Variants in FBXO8 observed in about 807,000 individuals in gnomAD.
FBXO8 encodes the protein F-box only protein 8.
A neutral mutation model predicts 33.4 loss-of-function variants in FBXO8; 15 were observed. The ratio of observed to expected loss-of-function variants is 0.45; its 90% CI spans 0.30 to 0.69. The LOEUF (loss-of-function observed/expected upper bound fraction) is 0.69. Ranked by LOEUF, FBXO8 falls within the 30% of genes least tolerant of loss-of-function variation. The pLI, the probability that FBXO8 is intolerant of heterozygous loss-of-function variation, is 0.08. For missense variants in FBXO8, 274 were observed against 380.3 expected (o/e 0.72, Z 2.32); for synonymous variants, 132 against 131.5 (o/e 1.00, Z -0.02).
intron 1 of FBXO8, among the ~76,000 whole-genome samples, chr4:174,279,321 G>A (rs1018558891): frequency 6.6e-6 from 1 of 152,002 alleles, no homozygotes; most frequent in African/African-American, 2.4e-5. Flanking sequence ...TAGGTAAAAG[G>A]CTTCTGGAAT....
At position 174,267,555 on chromosome 4, in the gene FBXO8, A is replaced by G. The variant is rs557574475; in HGVS notation, c.-8-4455T>C. Reference sequence around the variant, plus strand: ...GAGTGAGACCTTGCCTCTAAAAAAAATTAAAATTAAAAATTAAAAGAAAAT... The same window carrying G: ...GAGTGAGACCTTGCCTCTAAAAAAAGTTAAAATTAAAAATTAAAAGAAAAT... On this transcript the variant is annotated intron_variant, in intron 1 of 5. Transcript: ENST00000393674. This position sits in a 1 kb window ranked among gnomAD's most constrained non-coding sequence, Gnocchi z 4.7. 6.6e-6 allele frequency among the ~76,000 whole-genome samples: 1 copy of G among 152,290 alleles called. No individual in the cohort carries two copies. Among genetic ancestry groups the G allele is most frequent in the East Asian group, 1.9e-4 (1 of 5,178 alleles).
At chr4:174,246,119 A>T (rs72702230) in intron 3 of FBXO8, among the ~76,000 whole-genome samples, 12,145 of 152,014 alleles carry the variant, frequency 0.08, 520 homozygotes, top group Non-Finnish European at 0.1. Context: ...GAAGAGAATG[A>T]TAGAATAATG....
chr4:174,238,068 T>C (rs1735929685), intron 5 of FBXO8, among the ~76,000 whole-genome samples: 1 of 152,014 alleles, frequency 6.6e-6, no homozygotes, highest in Admixed American at 6.6e-5. Flanking sequence ...TTTGAGAGCA[T>C]CTTTAATGAC....
At chr4:174,268,907 T>TG (rs1439519523) in intron 1 of FBXO8, 2 of 152,244 alleles carry the variant, frequency 1.3e-5, no homozygotes, top group African/African-American at 2.4e-5. Context: ...TTTCAGCTCT[T>TG]GCGCATGTTT....
In FBXO8 at chr4:174,274,398, C is replaced by G. The variant is rs906566106; in HGVS notation, c.-9+9012G>C. Among the ~76,000 whole-genome samples, 1 of 152,208 alleles carries G rather than the reference C, an allele frequency of 6.6e-6. No homozygotes were observed. Among genetic ancestry groups the G allele is most frequent in the African/African-American group, 2.4e-5 (1 of 41,450 alleles). ...AAGGTAGTTTCGTACTCATCCCTCT[C>G]GCCCTCTTTAAATGATAACTATTAT... is the stretch of plus-strand genomic sequence containing the variant. On this transcript the variant is annotated intron_variant, in intron 1 of 5. Transcript: ENST00000393674. The surrounding 1 kb of genome is among the most constrained non-coding windows in gnomAD (Gnocchi z 4.0).
chr4:174,241,130 C>G lies in FBXO8; in HGVS notation c.545G>C (p.Trp182Ser). The G allele has an allele frequency of 6.2e-7, 1 of 1,602,964 alleles. No homozygotes were observed. Among genetic ancestry groups the G allele is most frequent in the Non-Finnish European group, 8.5e-7 (1 of 1,173,456 alleles). Residue 182 changes from tryptophan (W) to serine (S), a missense_variant, in exon 4 of 6, where the codon TGG becomes TCG. Around this residue, in one of 2 missense-constraint regions of FBXO8, gnomAD observed 186 missense variants for 293.4 expected, o/e 0.63. Transcript: ENST00000393674. The surrounding 1 kb of genome is among the most constrained non-coding windows in gnomAD (Gnocchi z 4.2). ...KFIFCTRTLN[W>S]KKLRIYLDER... is the part of the protein sequence containing the mutation. ...ATCAAGATAGATTCTCAGTTTTTTC[C>G]AATTTAGTGTTCTTGTACAGAAGAT...
At position 174,265,027 on chromosome 4, in the gene FBXO8, C is replaced by T. The variant is rs897586581; in HGVS notation, c.-8-1927G>A. Among the ~76,000 whole-genome samples the T allele has an allele frequency of 1.3e-5, 2 of 152,058 alleles. No homozygotes were observed. The highest frequency in any genetic ancestry group is 1.3e-4 in the Admixed American group (2 of 15,260). On this transcript the variant is annotated intron_variant, in intron 1 of 5. Coordinates refer to ENST00000393674, the MANE Select transcript of FBXO8 (RefSeq NM_012180.3). This position sits in a 1 kb window ranked among gnomAD's most constrained non-coding sequence, Gnocchi z 4.7. ...AATAAGCACATGAAAAGATGCTCAACATCATATGTCGTGAGGGAACTGAAA... is the reference window on the plus strand; with the variant it reads ...AATAAGCACATGAAAAGATGCTCAATATCATATGTCGTGAGGGAACTGAAA...
intron 3 of FBXO8, among the ~76,000 whole-genome samples, chr4:174,243,438 G>C (rs1400456484): frequency 2.0e-5 from 3 of 150,802 alleles, no homozygotes; most frequent in Admixed American, 2.0e-4. Context: ...AAAGACATGA[G>C]AACAGATTAT....
chr4:174,250,357 A>G (rs1736258356), intron 3 of FBXO8, among the ~76,000 whole-genome samples: 1 of 152,064 alleles, frequency 6.6e-6, no homozygotes. Context: ...AAAAATACAA[A>G]AACAACCCCC....
chr4:174,261,582 A>C lies in FBXO8; in HGVS notation c.329+1182T>G, dbSNP rs1736562767. On this transcript the variant is annotated intron_variant, in intron 2 of 5. Coordinates refer to ENST00000393674, the MANE Select transcript of FBXO8 (RefSeq NM_012180.3). The surrounding 1 kb of genome is among the most constrained non-coding windows in gnomAD (Gnocchi z 4.1). Reference sequence around the variant, plus strand: ...TCTTCTATTCATGAGTAAAAAATTAATAACATTTATTTTAAAGACTCCTCA... The same window carrying C: ...TCTTCTATTCATGAGTAAAAAATTACTAACATTTATTTTAAAGACTCCTCA... Among the ~76,000 whole-genome samples the C allele has an allele frequency of 1.3e-5, 2 of 152,114 alleles. No homozygotes were observed. The highest frequency in any genetic ancestry group is 1.3e-4 in the Admixed American group (2 of 15,268).
In FBXO8 at chr4:174,259,966, C is replaced by T. The variant is rs1736512278; in HGVS notation, c.330-141G>A. ...AAAGTTTAAAATTTTTAAGTTTGTACTTGTTTTCTATTTGTTTACTAGAGT... is the reference window on the plus strand; with the variant it reads ...AAAGTTTAAAATTTTTAAGTTTGTATTTGTTTTCTATTTGTTTACTAGAGT... On this transcript the variant is annotated intron_variant, in intron 2 of 5. Transcript: ENST00000393674. The surrounding 1 kb of genome is among the most constrained non-coding windows in gnomAD (Gnocchi z 4.3). 1 of 907,412 alleles carries T rather than the reference C, an allele frequency of 1.1e-6. No individual in the cohort carries two copies. The highest frequency in any genetic ancestry group is 1.6e-6 in the Non-Finnish European group (1 of 626,104). 56.2% of individuals were successfully genotyped at this position (907,412 alleles called of 1,614,324 possible). A position where few individuals can be genotyped will look rare whatever the true frequency, so the allele number is the denominator to read the frequency against.
intron 3 of FBXO8, among the ~76,000 whole-genome samples, chr4:174,246,204 C>T (rs1370962851): frequency 6.6e-6 from 1 of 151,834 alleles, no homozygotes; most frequent in East Asian, 1.9e-4. Flanking sequence ...GAAAGAGCAC[C>T]ATTTTTAGGA....
At chr4:174,260,816 G>C (rs1037891630) in intron 2 of FBXO8, among the ~76,000 whole-genome samples, 1 of 151,998 alleles carries the variant, frequency 6.6e-6, no homozygotes, top group African/African-American at 2.4e-5. Context: ...CAATTGTGAT[G>C]AGTCTTTGTC....
At chr4:174,276,941 C>T (rs940879175) in intron 1 of FBXO8, among the ~76,000 whole-genome samples, 26 of 152,126 alleles carry the variant, frequency 1.7e-4, no homozygotes, top group African/African-American at 5.1e-4. Flanking sequence ...TGAGCCTTAA[C>T]TAAGAGAATG....
chr4:174,244,484 C>T (rs546712215), intron 3 of FBXO8, among the ~76,000 whole-genome samples: 80 of 151,652 alleles, frequency 5.3e-4, no homozygotes, highest in Non-Finnish European at 6.6e-4. Context: ...TAAATTTGAC[C>T]GTTTAATCTA....
chr4:174,262,389 A>C lies in FBXO8; in HGVS notation c.329+375T>G, dbSNP rs1397523034. ...GAAGTCTGCCTATTATTCAGATGGC[A>C]GGTATCCTATGGGAAGCACAAACTA... On this transcript the variant is annotated intron_variant, in intron 2 of 5. Coordinates refer to ENST00000393674, the MANE Select transcript of FBXO8 (RefSeq NM_012180.3). The surrounding 1 kb of genome is among the most constrained non-coding windows in gnomAD (Gnocchi z 4.6). Among the ~76,000 whole-genome samples the C allele has an allele frequency of 6.6e-6, 1 of 152,200 alleles. No individual in the cohort carries two copies. Among genetic ancestry groups the C allele is most frequent in the Non-Finnish European group, 1.5e-5 (1 of 68,034 alleles).
chr4:174,243,337 A>G (rs1736083987), intron 3 of FBXO8, among the ~76,000 whole-genome samples: 1 of 151,282 alleles, frequency 6.6e-6, no homozygotes, highest in South Asian at 2.1e-4. Flanking sequence ...TGAGGAAAAG[A>G]GGCATCAGGT....
intron 1 of FBXO8, among the ~76,000 whole-genome samples, chr4:174,273,311 T>C (rs1194807505): frequency 1.1e-5 from 1 of 93,276 alleles, no homozygotes; most frequent in African/African-American, 4.1e-5. Flanking sequence ...ATAATGCCAA[T>C]GTCATAAAAG....
Position 174,255,998 on chromosome 4 carries a change from T to C in FBXO8, c.456+3701A>G, listed in dbSNP as rs1489949239. ...ACAGCTGAGATCACAATGTCATGCA[T>C]AGTACAACAGCGTGCCAGATTATCG... On this transcript the variant is annotated intron_variant, in intron 3 of 5. Coordinates refer to ENST00000393674, the MANE Select transcript of FBXO8 (RefSeq NM_012180.3). The surrounding 1 kb of genome is among the most constrained non-coding windows in gnomAD (Gnocchi z 4.3). The C allele has an allele frequency of 1.4e-5, 6 of 442,922 alleles. No individual in the cohort carries two copies. Among genetic ancestry groups the C allele is most frequent in the Non-Finnish European group, 2.3e-5 (5 of 220,798 alleles). The allele number at this position is 442,922 out of a possible 1,614,324, so 27.4% of individuals were successfully genotyped here.
Sources: gnomAD v4.1 joint callset for allele counts (sites outside exome capture counted in the v4.1 genomes callset) on GRCh38, gnomAD v4.1.1 for gene constraint, gnomAD v4.1.1 regional missense constraint, Gnocchi (gnomAD v3.1) non-coding constraint, MANE v1.5 for transcripts, NCBI Gene and HGNC (gene_info 2026-07-23, HGNC 2026-07-21) for gene names.